The following PDGFD variants were observed in gnomAD, a reference collection of about 807,000 sequenced individuals.
PDGFD encodes the protein platelet-derived growth factor D.
In PDGFD, 30 loss-of-function variants were observed where a neutral mutation model predicts 44.7. The observed-to-expected ratio is 0.67, with a 90% CI of 0.50 to 0.91. The LOEUF (loss-of-function observed/expected upper bound fraction) is 0.91, where lower values mean the gene tolerates loss of function less well. PDGFD is among the 40% of genes least tolerant of loss of function. PDGFD has a pLI of 0.00. For missense variants in PDGFD, 445 were observed against 457.8 expected (o/e 0.97, Z 0.25); for synonymous variants, 173 against 168.4 (o/e 1.03, Z -0.21).
intron 1 of PDGFD, among the ~76,000 whole-genome samples, chr11:104,031,400 A>G (rs997418398): frequency 4.6e-5 from 7 of 152,258 alleles, no homozygotes; most frequent in African/African-American, 9.6e-5. Flanking sequence ...AAGCTCAAGC[A>G]TCACTGATCA....
At chr11:104,107,804 G>A (rs1226693063) in intron 1 of PDGFD, among the ~76,000 whole-genome samples, 1 of 152,096 alleles carries the variant, frequency 6.6e-6, no homozygotes, top group Non-Finnish European at 1.5e-5. Flanking sequence ...TTATTTGTGA[G>A]GGTTCAGTGA....
intron 3 of PDGFD, among the ~76,000 whole-genome samples, chr11:103,969,473 G>GT (rs1859068972): frequency 1.3e-4 from 11 of 82,746 alleles, no homozygotes; most frequent in African/African-American, 5.1e-4. Context: ...CACCAAGCCT[G>GT]GTTTTTTTTT....
intron 3 of PDGFD, among the ~76,000 whole-genome samples, chr11:103,969,478 T>TTTG (rs1475090205): frequency 4.1e-5 from 6 of 146,856 alleles, no homozygotes; most frequent in South Asian, 4.4e-4. Context: ...AGCCTGGTTT[T>TTTG]TTTTTTTTTT....
At position 103,909,724 on chromosome 11, in the gene PDGFD, A is replaced by G. The variant is rs1456256541; in HGVS notation, c.1083T>C (p.Asp361=). The G allele has an allele frequency of 1.1e-5, 17 of 1,614,014 alleles. No individual in the cohort carries two copies. The highest frequency in any genetic ancestry group is 1.4e-5 in the Non-Finnish European group (17 of 1,179,878). The change falls in exon 7 of 7, where the codon GAT becomes GAC. Residue 361 remains aspartate, a synonymous_variant. Transcript: ENST00000393158. The part of the protein sequence containing the change: ...DIQLDHHERC[D]CICSSRPPR ...GAGGTGGTCTTGAGCTGCAGATACA[A>G]TCACATCGTTCATGGTGATCCAACT...
chr11:104,108,505 C>G (rs1253743696), intron 1 of PDGFD, among the ~76,000 whole-genome samples: 1 of 152,096 alleles, frequency 6.6e-6, no homozygotes, highest in African/African-American at 2.4e-5. Flanking sequence ...AATGAGATAC[C>G]ATCTCACGCC....
intron 1 of PDGFD, among the ~76,000 whole-genome samples, chr11:104,162,988 G>T (rs1205409005): frequency 3.3e-5 from 5 of 152,158 alleles, no homozygotes; most frequent in African/African-American, 1.2e-4. Flanking sequence ...AATAAACTCA[G>T]CTTAGGGTCT....
chr11:104,015,422 C>T (rs1859846662), intron 1 of PDGFD, among the ~76,000 whole-genome samples: 1 of 152,012 alleles, frequency 6.6e-6, no homozygotes, highest in African/African-American at 2.4e-5. Flanking sequence ...AGAAAAAAGA[C>T]CAATTTTAGA....
At chr11:104,120,322 T>C (rs1438554813) in intron 1 of PDGFD, among the ~76,000 whole-genome samples, 1 of 151,870 alleles carries the variant, frequency 6.6e-6, no homozygotes, top group Non-Finnish European at 1.5e-5. Flanking sequence ...GCCACTGGAT[T>C]AACATTTCCA....
rs1565281214 is a variant in PDGFD at position 103,909,814 on chromosome 11, T to A, written c.993A>T (p.Leu331Phe). Reference sequence around the variant, plus strand: ...TCTTGATGTGGCCAGGCTCAAACTGTAATACCTAGGACAAGAAGCACATCT... The same window carrying A: ...TCTTGATGTGGCCAGGCTCAAACTGAAATACCTAGGACAAGAAGCACATCT... ...GKTVKKYHEV[L>F]QFEPGHIKRR... The change falls in exon 7 of 7, where the codon TTA becomes TTT. Residue 331 changes from leucine (L) to phenylalanine (F), a missense_variant. Transcript: ENST00000393158. The A allele has an allele frequency of 1.9e-6, 3 of 1,614,174 alleles. No individual in the cohort carries two copies. In the South Asian group the frequency reaches 3.3e-5, roughly 18 times the overall value.
At chr11:103,936,084 G>C (rs1036662570) in intron 5 of PDGFD, among the ~76,000 whole-genome samples, 10 of 152,060 alleles carry the variant, frequency 6.6e-5, no homozygotes, top group Non-Finnish European at 2.9e-5. Flanking sequence ...CATGGTTCAG[G>C]AAACTCAATG....
intron 1 of PDGFD, among the ~76,000 whole-genome samples, chr11:104,073,555 T>A (rs572765473): frequency 6.6e-6 from 1 of 152,310 alleles, no homozygotes; most frequent in East Asian, 1.9e-4. Context: ...ACTTTTTGTG[T>A]GTAAATAAAG....
At chr11:103,941,644 C>G (rs1858585848) in intron 5 of PDGFD, among the ~76,000 whole-genome samples, 1 of 151,806 alleles carries the variant, frequency 6.6e-6, no homozygotes, top group Non-Finnish European at 1.5e-5. Flanking sequence ...AATCACAAAA[C>G]TTGTAAGTGG....
At chr11:104,069,343 A>C (rs1392872167) in intron 1 of PDGFD, among the ~76,000 whole-genome samples, 3 of 152,210 alleles carry the variant, frequency 2.0e-5, no homozygotes, top group African/African-American at 7.2e-5. Flanking sequence ...CAGCAGTCAC[A>C]TATTGTCTAT....
chr11:103,933,058 C>T (rs1387187423), intron 5 of PDGFD, among the ~76,000 whole-genome samples: 1 of 152,120 alleles, frequency 6.6e-6, no homozygotes, highest in Non-Finnish European at 1.5e-5. Flanking sequence ...AAGACTGGTT[C>T]TCAGATGCAA....
intron 1 of PDGFD, among the ~76,000 whole-genome samples, chr11:104,056,957 G>A (rs919321484): frequency 6.6e-6 from 1 of 151,978 alleles, no homozygotes; most frequent in Admixed American, 6.6e-5. Flanking sequence ...GTGAAACCCC[G>A]TGTCTACTAA....
In PDGFD at chr11:104,022,317, C is replaced by T. The variant is rs539110749; in HGVS notation, c.125-22062G>A. Among the ~76,000 whole-genome samples, 4 of 152,188 alleles carry T rather than the reference C, an allele frequency of 2.6e-5. No homozygotes were observed. The South Asian group carries it at 8.3e-4, about 32-fold the overall frequency. On this transcript the variant is annotated intron_variant, in intron 1 of 6. Coordinates refer to ENST00000393158, the MANE Select transcript of PDGFD (RefSeq NM_025208.5). ...CTTCAAGTTCTAACATAATGCATTC[C>T]ACTGGGATACTGTTCAAGATTAATA... is the stretch of plus-strand genomic sequence containing the variant.
In PDGFD at chr11:104,163,944, G is replaced by C. The variant is rs772062996; in HGVS notation, c.-17C>G. 9.8e-6 allele frequency: 15 copies of C among 1,524,916 alleles called. No individual in the cohort carries two copies. The highest frequency in any genetic ancestry group is 3.7e-5 in the Admixed American group (2 of 54,726). 94.5% of individuals were successfully genotyped at this position (1,524,916 alleles called of 1,614,324 possible). A position where few individuals can be genotyped will look rare whatever the true frequency, so the allele number is the denominator to read the frequency against. On this transcript the variant is annotated 5_prime_UTR_variant, in exon 1 of 7. Transcript: ENST00000393158. ...CCGGTGCATTTGGGATCAGCGACTA[G>C]AGACAGCGTCGCTCCAAGAAAAAGC... is the stretch of plus-strand genomic sequence containing the variant.
At chr11:104,078,294 T>C (rs974845280) in intron 1 of PDGFD, among the ~76,000 whole-genome samples, 6 of 152,188 alleles carry the variant, frequency 3.9e-5, no homozygotes, top group Non-Finnish European at 4.4e-5. Flanking sequence ...TACATGGACA[T>C]CTTCCATGAG....
chr11:104,125,691 G>A (rs1305106327), intron 1 of PDGFD, among the ~76,000 whole-genome samples: 1 of 152,118 alleles, frequency 6.6e-6, no homozygotes. Flanking sequence ...CAAATTACAT[G>A]CTATTACTTT....
Sources: allele counts gnomAD v4.1 joint callset (sites outside exome capture counted in the v4.1 genomes callset), GRCh38; gene constraint gnomAD v4.1.1; transcripts MANE v1.5; gene names NCBI Gene and HGNC (gene_info 2026-07-23, HGNC 2026-07-21).